MTO1: variants seen among roughly 807,000 people sequenced by gnomAD.
MTO1 encodes the protein 5-taurinomethyluridine-[tRNA] synthase subunit MTO1, mitochondrial.
A neutral mutation model predicts 71.6 loss-of-function variants in MTO1; 46 were observed. That is an observed-to-expected ratio of 0.64 (90% CI 0.51 to 0.82). The LOEUF (loss-of-function observed/expected upper bound fraction) is 0.82. MTO1 is among the 40% of genes least tolerant of loss of function. The pLI, the probability that MTO1 is intolerant of heterozygous loss-of-function variation, is 0.00. For synonymous variants in MTO1, 297 were observed against 312.1 expected (o/e 0.95, Z 0.51); for missense variants, 773 against 867.5 (o/e 0.89, Z 1.37).
At position 73,466,487 on chromosome 6, in the gene MTO1, A is replaced by G; in HGVS notation, c.418-2A>G. 6.2e-7 allele frequency: 1 copy of G among 1,613,636 alleles called. No individual in the cohort carries two copies. The highest frequency in any genetic ancestry group is 8.5e-7 in the Non-Finnish European group (1 of 1,179,510). ...GTTTCAACTGGCATTTTCTTTTGAC[A>G]GAAAGAAATCTTGAATACACCACTG... is the stretch of plus-strand genomic sequence containing the variant. On this transcript the variant is annotated splice_acceptor_variant, in intron 2 of 11. Transcript: ENST00000498286. LOFTEE classifies it high-confidence loss of function.
chr6:73,500,805 A>C lies in MTO1; in HGVS notation c.*70A>C. The stretch of plus-strand genomic sequence containing the variant: ...ATCAATACAACAGTATAGATAAAAG[A>C]ATTATTTAGCACATGTTAAAATAGC... On this transcript the variant is annotated 3_prime_UTR_variant, in exon 12 of 12. Coordinates refer to ENST00000498286, the MANE Select transcript of MTO1 (RefSeq NM_012123.4). The C allele has an allele frequency of 1.6e-6, 2 of 1,235,024 alleles. No individual in the cohort carries two copies. The allele number at this position is 1,235,024 out of a possible 1,614,324, so 76.5% of individuals were successfully genotyped here. A position where few individuals can be genotyped will look rare whatever the true frequency, so the allele number is the denominator to read the frequency against.
chr6:73,482,260 G>A lies in MTO1; in HGVS notation c.1465+16G>A. 6.2e-7 allele frequency: 1 copy of A among 1,613,232 alleles called. No homozygotes were observed. The highest frequency in any genetic ancestry group is 8.5e-7 in the Non-Finnish European group (1 of 1,179,440). The stretch of plus-strand genomic sequence containing the variant: ...ACACTGCGAGGTAACTCTTTCCTGA[G>A]TCCTGCAATCCAGCCAGGCATGGTG... On this transcript the variant is annotated intron_variant, in intron 8 of 11. Coordinates refer to ENST00000498286, the MANE Select transcript of MTO1 (RefSeq NM_012123.4).
intron 6 of MTO1, 61 bp downstream of exon 6, chr6:73,480,187 G>A (rs1771447395): frequency 1.3e-6 from 2 of 1,514,360 alleles, no homozygotes; most frequent in Non-Finnish European, 1.8e-6. Context: ...GGTCAGTGAG[G>A]AGGCCTTAGC....
rs1047468624 is a variant in MTO1 at position 73,482,371 on chromosome 6, T to C, written c.1466-78T>C. 3.2e-6 allele frequency: 5 copies of C among 1,540,650 alleles called. No individual in the cohort carries two copies. In the African/African-American group the frequency reaches 5.5e-5, roughly 17 times the overall value. On this transcript the variant is annotated intron_variant, in intron 8 of 11. Coordinates refer to ENST00000498286, the MANE Select transcript of MTO1 (RefSeq NM_012123.4). ...GAGTTTAGGACTAGCCTGGGCAACA[T>C]AGTGAGACACTGTCTCTACAAAAAA...
At chr6:73,468,066 G>A (rs1410697557) in intron 3 of MTO1, among the ~76,000 whole-genome samples, 2 of 151,758 alleles carry the variant, frequency 1.3e-5, no homozygotes, top group African/African-American at 2.4e-5. Context: ...TGATCCACCC[G>A]CCTCGCCCTC....
At chr6:73,491,644 T>C (rs1026717091) in intron 9 of MTO1, among the ~76,000 whole-genome samples, 2 of 152,132 alleles carry the variant, frequency 1.3e-5, no homozygotes, top group African/African-American at 4.8e-5. Flanking sequence ...GGGAATTCAG[T>C]GAAACCCTTG....
chr6:73,483,955 T>A (rs1473771575), intron 9 of MTO1, among the ~76,000 whole-genome samples: 1 of 151,894 alleles, frequency 6.6e-6, no homozygotes, highest in Non-Finnish European at 1.5e-5. Flanking sequence ...ATTTTTGTAT[T>A]TTTAGTAGAG....
intron 1 of MTO1, among the ~76,000 whole-genome samples, chr6:73,462,570 A>G (rs1206812321): frequency 6.6e-6 from 1 of 152,020 alleles, no homozygotes; most frequent in African/African-American, 2.4e-5. Flanking sequence ...CTCTACTAAA[A>G]ATACAAAAAT....
At chr6:73,491,915 G>GCA in intron 9 of MTO1, 1 of 217,328 alleles carries the variant, frequency 4.6e-6, no homozygotes, top group South Asian at 6.8e-5. Context: ...AGCCTGGCCA[G>GCA]CATGGTGAAA....
In MTO1 at chr6:73,461,820, G is replaced by T. The variant is rs368014765; in HGVS notation, c.-35G>T. The stretch of plus-strand genomic sequence containing the variant: ...GTAAGTTTTTTTGACCGTCACTCGT[G>T]TCAGCTTCAAAGTCAGATAGATTTT... On this transcript the variant is annotated 5_prime_UTR_variant, in exon 1 of 12. Transcript: ENST00000498286. 1 of 1,597,316 alleles carries T rather than the reference G, an allele frequency of 6.3e-7. No individual in the cohort carries two copies. The highest frequency in any genetic ancestry group is 8.6e-7 in the Non-Finnish European group (1 of 1,166,478).
chr6:73,467,091 A>G (rs1257672058), intron 3 of MTO1, among the ~76,000 whole-genome samples: 1 of 152,112 alleles, frequency 6.6e-6, no homozygotes, highest in Non-Finnish European at 1.5e-5. Flanking sequence ...AGGTAGGTGG[A>G]TTGCTTGAGC....
intron 4 of MTO1, among the ~76,000 whole-genome samples, chr6:73,475,417 G>A (rs1357937716): frequency 3.3e-5 from 5 of 151,916 alleles, no homozygotes; most frequent in Admixed American, 2.0e-4. Flanking sequence ...CTAGTAGCTG[G>A]GATTACAGGT....
chr6:73,479,952 G>T lies in MTO1; in HGVS notation c.955G>T (p.Glu319Ter). ...TRGPRYCPSI[E>*]SKVLRFPNRL... ...CTATTCTAGATACTGTCCCTCCATT[G>T]AATCAAAAGTTTTGCGTTTTCCAAA... The change falls in exon 6 of 12, where the codon GAA becomes TAA. Residue 319 changes from glutamate to a stop codon, truncating the protein, a stop_gained. Coordinates refer to ENST00000498286, the MANE Select transcript of MTO1 (RefSeq NM_012123.4). LOFTEE classifies it high-confidence loss of function. 6.2e-7 allele frequency: 1 copy of T among 1,612,598 alleles called. No homozygotes were observed. The highest frequency in any genetic ancestry group is 8.5e-7 in the Non-Finnish European group (1 of 1,179,408).
intron 3 of MTO1, among the ~76,000 whole-genome samples, chr6:73,469,554 G>A (rs548906663): frequency 3.9e-5 from 6 of 152,214 alleles, no homozygotes; most frequent in Non-Finnish European, 5.9e-5. Context: ...CCCAGGAGGC[G>A]GAGGTTGCAG....
In MTO1 at chr6:73,506,031, T is replaced by G. The variant is rs934758016; in HGVS notation, c.*5296T>G. The G allele has an allele frequency of 6.6e-6, 1 of 152,220 alleles. No individual in the cohort carries two copies. Among genetic ancestry groups the G allele is most frequent in the Non-Finnish European group, 1.5e-5 (1 of 68,126 alleles). The allele number at this position is 152,220 out of a possible 1,614,324, so 9.4% of individuals were successfully genotyped here. ...TCTCGCTCTGTCACTCAGGCTAGAG[T>G]GCAGTGGCACTATCTCGGCTCACTG... On this transcript the variant is annotated 3_prime_UTR_variant, in exon 12 of 12. Coordinates refer to ENST00000498286, the MANE Select transcript of MTO1 (RefSeq NM_012123.4).
rs1237888845 is a variant in MTO1, at chr6:73,503,591, C to T, written c.*2856C>T. 6.6e-6 allele frequency: 1 copy of T among 152,128 alleles called. No individual in the cohort carries two copies. The highest frequency in any genetic ancestry group is 1.5e-5 in the Non-Finnish European group (1 of 68,036). 9.4% of individuals were successfully genotyped at this position (152,128 alleles called of 1,614,324 possible). On this transcript the variant is annotated 3_prime_UTR_variant, in exon 12 of 12. Coordinates refer to ENST00000498286, the MANE Select transcript of MTO1 (RefSeq NM_012123.4). ...TCAATGTAGTTACTTCATAGAAATCCCATCACTGACAATAATCAGCTGCCA... is the reference window on the plus strand; with the variant it reads ...TCAATGTAGTTACTTCATAGAAATCTCATCACTGACAATAATCAGCTGCCA...
chr6:73,469,547 A>C (rs932360207), intron 3 of MTO1, among the ~76,000 whole-genome samples: 5 of 151,936 alleles, frequency 3.3e-5, no homozygotes, highest in Admixed American at 3.3e-4. Context: ...GCTTGAACCC[A>C]GGAGGCGGAG....
Position 73,500,792 on chromosome 6 carries a change from G to A in MTO1, c.*57G>A, listed in dbSNP as rs1357478086. 2.3e-6 allele frequency: 3 copies of A among 1,298,758 alleles called. No individual in the cohort carries two copies. The highest frequency in any genetic ancestry group is 1.5e-5 in the African/African-American group (1 of 65,580). The allele number at this position is 1,298,758 out of a possible 1,614,324, so 80.5% of individuals were successfully genotyped here. On this transcript the variant is annotated 3_prime_UTR_variant, in exon 12 of 12. Coordinates refer to ENST00000498286, the MANE Select transcript of MTO1 (RefSeq NM_012123.4). ...TATAAATAATTTGATCAATACAACA[G>A]TATAGATAAAAGAATTATTTAGCAC...
chr6:73,492,205 A>G, intron 9 of MTO1, 29 bp from the exon 10 acceptor site: 6 of 1,398,230 alleles, frequency 4.3e-6, no homozygotes, highest in Non-Finnish European at 6.1e-6. Context: ...ATGGATCCTT[A>G]TGTTAATGAA....
Sources: allele counts gnomAD v4.1 joint callset (sites outside exome capture counted in the v4.1 genomes callset), GRCh38; gene constraint gnomAD v4.1.1; transcripts MANE v1.5; gene names NCBI Gene and HGNC (gene_info 2026-07-23, HGNC 2026-07-21).